GRIN2B: variants seen among roughly 807,000 people sequenced by gnomAD.
GRIN2B encodes the protein glutamate receptor ionotropic, NMDA 2B.
A neutral mutation model predicts 114.5 loss-of-function variants in GRIN2B; 5 were observed. The observed-to-expected ratio is 0.04, with a 90% CI of 0.02 to 0.09. GRIN2B has a LOEUF of 0.09. Ranked by LOEUF, GRIN2B falls within the 10% of genes least tolerant of loss-of-function variation. GRIN2B has a pLI of 1.00. For synonymous variants in GRIN2B, 787 were observed against 745.1 expected (o/e 1.06, Z -0.92); for missense variants, 1,108 against 1,943.5 (o/e 0.57, Z 8.08).
intron 2 of GRIN2B, among the ~76,000 whole-genome samples, chr12:13,958,855 G>A (rs1305867900): frequency 3.9e-5 from 6 of 151,974 alleles, no homozygotes; most frequent in African/African-American, 7.3e-5. Context: ...TTGAAGTCCC[G>A]CCTTGGCTTT....
At chr12:13,784,584 C>T (rs910576692) in intron 3 of GRIN2B, among the ~76,000 whole-genome samples, 9 of 152,164 alleles carry the variant, frequency 5.9e-5, no homozygotes, top group Non-Finnish European at 1.3e-4. Context: ...TTGAAATGAG[C>T]TGGCCTAAAG....
chr12:13,603,119 C>G (rs1949185954), intron 10 of GRIN2B, among the ~76,000 whole-genome samples: 1 of 152,180 alleles, frequency 6.6e-6, no homozygotes, highest in Non-Finnish European at 1.5e-5. Context: ...AAGGGTCACT[C>G]TATACACAGG....
At chr12:13,623,989 T>G (rs1172011337) in intron 5 of GRIN2B, among the ~76,000 whole-genome samples, 1 of 152,186 alleles carries the variant, frequency 6.6e-6, no homozygotes, top group East Asian at 1.9e-4. Context: ...GTCTGTCCCC[T>G]TGCCATGTTT....
At chr12:13,579,382 G>A (rs1948816076) in intron 10 of GRIN2B, among the ~76,000 whole-genome samples, 1 of 152,194 alleles carries the variant, frequency 6.6e-6, no homozygotes, top group Non-Finnish European at 1.5e-5. Context: ...TATGCCACTT[G>A]ATAGCTGTGT....
At chr12:13,738,929 T>G (rs1863229738) in intron 4 of GRIN2B, among the ~76,000 whole-genome samples, 1 of 152,086 alleles carries the variant, frequency 6.6e-6, no homozygotes, top group Admixed American at 6.6e-5. Context: ...AATTTTAACA[T>G]GCAGTCATGA....
intron 3 of GRIN2B, among the ~76,000 whole-genome samples, chr12:13,782,113 G>A (rs1052821765): frequency 1.3e-5 from 2 of 152,144 alleles, no homozygotes; most frequent in African/African-American, 4.8e-5. Context: ...GAGGTTGAAC[G>A]TAAAACGGTG....
chr12:13,886,114 C>T (rs1866152598), intron 2 of GRIN2B, among the ~76,000 whole-genome samples: 1 of 152,154 alleles, frequency 6.6e-6, no homozygotes, highest in Non-Finnish European at 1.5e-5. Context: ...AGTGTTTTTC[C>T]AAATATGCTC....
chr12:13,951,956 A>C (rs2136849377), intron 2 of GRIN2B, among the ~76,000 whole-genome samples: 2 of 152,356 alleles, frequency 1.3e-5, no homozygotes, highest in Middle Eastern at 3.4e-3. Flanking sequence ...GCAATAGATT[A>C]ATACATTTAT....
intron 3 of GRIN2B, among the ~76,000 whole-genome samples, chr12:13,818,041 A>C (rs997577243): frequency 2.0e-5 from 3 of 152,216 alleles, no homozygotes; most frequent in African/African-American, 7.2e-5. Context: ...TGACTCAAGA[A>C]ATCATAAATG....
At chr12:13,623,896 T>C (rs2136490148) in intron 5 of GRIN2B, among the ~76,000 whole-genome samples, 1 of 152,374 alleles carries the variant, frequency 6.6e-6, no homozygotes, top group South Asian at 2.1e-4. Flanking sequence ...AGTATACTTT[T>C]GCATGTAGCT....
At chr12:13,680,389 A>G (rs1322552918) in intron 4 of GRIN2B, among the ~76,000 whole-genome samples, 1 of 151,766 alleles carries the variant, frequency 6.6e-6, no homozygotes, top group Non-Finnish European at 1.5e-5. Context: ...AGCCAAATGC[A>G]GAAGTTCTGC....
intron 5 of GRIN2B, among the ~76,000 whole-genome samples, chr12:13,640,130 A>G (rs1949701505): frequency 6.6e-6 from 1 of 152,138 alleles, no homozygotes; most frequent in South Asian, 2.1e-4. Context: ...ACATGATTGT[A>G]GTCCCAGCTA....
chr12:13,823,227 T>C (rs1188834452), intron 3 of GRIN2B, among the ~76,000 whole-genome samples: 1 of 152,070 alleles, frequency 6.6e-6, no homozygotes, highest in African/African-American at 2.4e-5. Flanking sequence ...GGCTTTTTAC[T>C]AGGATGGAGA....
chr12:13,867,514 A>G (rs1865846511), intron 2 of GRIN2B, among the ~76,000 whole-genome samples: 1 of 152,224 alleles, frequency 6.6e-6, no homozygotes, highest in Admixed American at 6.5e-5. Flanking sequence ...CAATATATCC[A>G]TGTAACAAAA....
chr12:13,785,485 C>G (rs1047864630), intron 3 of GRIN2B, among the ~76,000 whole-genome samples: 1 of 152,172 alleles, frequency 6.6e-6, no homozygotes, highest in South Asian at 2.1e-4. Flanking sequence ...CCAGCCACCC[C>G]AGTCTGCCTC....
rs1281353135 is a variant in GRIN2B at position 13,877,628 on chromosome 12, T to G, written c.-18-11402A>C. Among the ~76,000 whole-genome samples the G allele has an allele frequency of 2.0e-5, 3 of 152,256 alleles. No homozygotes were observed. The East Asian group carries it at 5.8e-4, about 29-fold the overall frequency. On this transcript the variant is annotated intron_variant, in intron 2 of 13. Transcript: ENST00000609686. ...TAGGAGGCACACAGACTGAGGAAATTGTTAGGCCTTGTTACAGTTCTACCA... is the reference window on the plus strand; with the variant it reads ...TAGGAGGCACACAGACTGAGGAAATGGTTAGGCCTTGTTACAGTTCTACCA...
chr12:13,599,114 T>C (rs983538191), intron 10 of GRIN2B, among the ~76,000 whole-genome samples: 7 of 152,122 alleles, frequency 4.6e-5, no homozygotes, highest in South Asian at 2.1e-4. Context: ...TGGAGTAAAA[T>C]AGGAGAGGAA....
intron 3 of GRIN2B, among the ~76,000 whole-genome samples, chr12:13,782,964 T>A (rs557538453): frequency 6.6e-6 from 1 of 152,304 alleles, no homozygotes; most frequent in Admixed American, 6.5e-5. Flanking sequence ...CTGGAGCTCT[T>A]CCACATTTAG....
At chr12:13,581,455 C>T (rs1344463298) in intron 10 of GRIN2B, among the ~76,000 whole-genome samples, 1 of 151,908 alleles carries the variant, frequency 6.6e-6, no homozygotes, top group African/African-American at 2.4e-5. Flanking sequence ...CACCCTCTCT[C>T]CTCTTCTACC....
Sources: gnomAD v4.1 joint callset for allele counts (sites outside exome capture counted in the v4.1 genomes callset) on GRCh38, gnomAD v4.1.1 for gene constraint, MANE v1.5 for transcripts, NCBI Gene and HGNC (gene_info 2026-07-23, HGNC 2026-07-21) for gene names.